LRRC4C: variants seen among roughly 807,000 people sequenced by gnomAD.
LRRC4C encodes the protein leucine rich repeat containing 4C, also known as leucine-rich repeat-containing protein 4C.
A neutral mutation model predicts 33.6 loss-of-function variants in LRRC4C; 5 were observed. That is an observed-to-expected ratio of 0.15 (90% CI 0.08 to 0.31). The LOEUF (loss-of-function observed/expected upper bound fraction) is 0.31. LRRC4C is among the 10% of genes least tolerant of loss of function. LRRC4C has a pLI of 1.00. For synonymous variants in LRRC4C, 329 were observed against 302.0 expected, an observed-to-expected ratio of 1.09 and a Z score of -0.93; for missense variants, 560 against 796.7, an observed-to-expected ratio of 0.70 and a Z score of 3.58.
At chr11:40,511,773 A>C (rs1020256348) in intron 3 of LRRC4C, among the ~76,000 whole-genome samples, 33 of 152,140 alleles carry the variant, frequency 2.2e-4, no homozygotes, top group African/African-American at 8.0e-4. Context: ...CTTCTGAAAA[A>C]GTTTCTGGAG....
intron 3 of LRRC4C, among the ~76,000 whole-genome samples, chr11:40,484,165 CAG>C (rs1565435014): frequency 6.6e-6 from 1 of 152,068 alleles, no homozygotes; most frequent in Non-Finnish European, 1.5e-5. Flanking sequence ...TGATATCTAA[CAG>C]AAATACTTTA....
At chr11:40,451,365 A>ATTTTTT (rs1951875035) in intron 3 of LRRC4C, among the ~76,000 whole-genome samples, 1 of 71,248 alleles carries the variant, frequency 1.4e-5, no homozygotes, top group African/African-American at 5.2e-5. Flanking sequence ...AGAAATAATG[A>ATTTTTT]CTTTTTTTTT....
intron 3 of LRRC4C, among the ~76,000 whole-genome samples, chr11:40,582,326 C>G (rs975300735): frequency 2.6e-5 from 4 of 152,048 alleles, no homozygotes; most frequent in Admixed American, 2.0e-4. Context: ...TTTCAAGGAA[C>G]AGATAGTACT....
In LRRC4C at chr11:40,689,122, T is replaced by C. The variant is rs116622612; in HGVS notation, c.-406-40844A>G. Among the ~76,000 whole-genome samples the C allele has an allele frequency of 9.1e-3, 1,379 of 152,200 alleles. 26 individuals are homozygous for C. Among genetic ancestry groups the C allele is most frequent in the African/African-American group, 0.032 (1,333 of 41,546 alleles). ...ATGGACTGTAGTAGAGATTACAATA[T>C]CTTCTCTTCAGATGTATAAATGAGA... On this transcript the variant is annotated intron_variant, in intron 2 of 6. Coordinates refer to ENST00000528697, the MANE Select transcript of LRRC4C (RefSeq NM_001258419.2).
At chr11:41,100,333 C>T (rs180731511) in intron 1 of LRRC4C, among the ~76,000 whole-genome samples, 14 of 151,922 alleles carry the variant, frequency 9.2e-5, no homozygotes, top group Admixed American at 6.6e-4. Flanking sequence ...TTGGGAGGCC[C>T]GAGGTGGGTG....
intron 1 of LRRC4C, among the ~76,000 whole-genome samples, chr11:40,971,007 A>T (rs1375398504): frequency 6.6e-6 from 1 of 152,220 alleles, no homozygotes; most frequent in Non-Finnish European, 1.5e-5. Flanking sequence ...CAAAGAAATG[A>T]CCTGAAACTG....
chr11:40,645,881 C>T (rs149893903), intron 3 of LRRC4C, among the ~76,000 whole-genome samples: 3,225 of 152,204 alleles, frequency 0.021, 84 homozygotes, highest in Admixed American at 0.093. Context: ...CTCTATTTTT[C>T]GGGGGACACC....
intron 3 of LRRC4C, among the ~76,000 whole-genome samples, chr11:40,580,168 C>A (rs1229548464): frequency 1.3e-5 from 2 of 151,748 alleles, no homozygotes; most frequent in African/African-American, 2.4e-5. Flanking sequence ...TTCCCCGAAA[C>A]TGAATAATGG....
chr11:40,611,607 C>A (rs1442597250), intron 3 of LRRC4C, among the ~76,000 whole-genome samples: 1 of 151,682 alleles, frequency 6.6e-6, no homozygotes, highest in African/African-American at 2.4e-5. Context: ...TATTTGCAAA[C>A]CACATATCTG....
intron 1 of LRRC4C, among the ~76,000 whole-genome samples, chr11:41,082,992 C>A (rs1939692225): frequency 6.6e-6 from 1 of 152,074 alleles, no homozygotes; most frequent in Non-Finnish European, 1.5e-5. Context: ...GAAATGTCCA[C>A]GCTTCCTGTC....
chr11:40,723,933 A>G (rs930268137), intron 2 of LRRC4C, among the ~76,000 whole-genome samples: 1 of 152,182 alleles, frequency 6.6e-6, no homozygotes, highest in Non-Finnish European at 1.5e-5. Flanking sequence ...TGCAAATGGA[A>G]AATTTTTAAA....
chr11:40,343,356 T>C lies in LRRC4C; in HGVS notation c.-269-23635A>G, dbSNP rs563029758. ...ACTAAAACTTACATATATATATATA[T>C]ACACATAAATATTAATTTTTGATTT... On this transcript the variant is annotated intron_variant, in intron 3 of 6. Coordinates refer to ENST00000528697, the MANE Select transcript of LRRC4C (RefSeq NM_001258419.2). 4.6e-4 allele frequency among the ~76,000 whole-genome samples: 67 copies of C among 147,146 alleles called. No individual in the cohort carries two copies. The East Asian group carries it at 8.4e-3, about 19-fold the overall frequency.
chr11:40,853,647 T>C (rs1953622071), intron 2 of LRRC4C, among the ~76,000 whole-genome samples: 1 of 152,104 alleles, frequency 6.6e-6, no homozygotes, highest in Admixed American at 6.6e-5. Context: ...CATGGGGTCA[T>C]TAAAGTATTA....
intron 3 of LRRC4C, among the ~76,000 whole-genome samples, chr11:40,622,348 A>G (rs1387170230): frequency 7.8e-6 from 1 of 127,412 alleles, no homozygotes; most frequent in Non-Finnish European, 1.8e-5. Flanking sequence ...AAGCATAGGA[A>G]TGAATTTTTA....
At chr11:40,376,754 T>C (rs1352773366) in intron 3 of LRRC4C, among the ~76,000 whole-genome samples, 2 of 152,006 alleles carry the variant, frequency 1.3e-5, no homozygotes, top group East Asian at 3.9e-4. Flanking sequence ...TGTATGTGTA[T>C]GTGTATCTGG....
rs529878113 is a variant in LRRC4C, at chr11:41,220,380, G to A, written c.-496+239051C>T. 2.2e-4 allele frequency among the ~76,000 whole-genome samples: 34 copies of A among 152,164 alleles called. 1 individual carries two copies. The highest frequency in any genetic ancestry group is 4.3e-4 in the Non-Finnish European group (29 of 67,994). On this transcript the variant is annotated intron_variant, in intron 1 of 6. Coordinates refer to ENST00000528697, the MANE Select transcript of LRRC4C (RefSeq NM_001258419.2). Reference sequence around the variant, plus strand: ...ACAATATGAAATACCCCTCTCCAAGGGAGAGTTATGAAAATAGGAATCTCT... The same window carrying A: ...ACAATATGAAATACCCCTCTCCAAGAGAGAGTTATGAAAATAGGAATCTCT...
At chr11:40,583,035 G>A (rs529194323) in intron 3 of LRRC4C, among the ~76,000 whole-genome samples, 8 of 152,054 alleles carry the variant, frequency 5.3e-5, no homozygotes, top group African/African-American at 9.6e-5. Context: ...TAATACTACC[G>A]TGCTACCAAT....
chr11:41,010,960 A>T (rs1032104260), intron 1 of LRRC4C, among the ~76,000 whole-genome samples: 1 of 152,298 alleles, frequency 6.6e-6, no homozygotes, highest in Admixed American at 6.5e-5. Context: ...TAAAAATAAC[A>T]TAAAATGGAC....
rs150291527 is a variant in LRRC4C at position 40,639,911 on chromosome 11, G to A, written c.-270+8231C>T. Among the ~76,000 whole-genome samples the A allele has an allele frequency of 5.3e-5, 8 of 151,498 alleles. 1 individual carries two copies. Among genetic ancestry groups the A allele is most frequent in the African/African-American group, 2.0e-4 (8 of 41,022 alleles). On this transcript the variant is annotated intron_variant, in intron 3 of 6. Coordinates refer to ENST00000528697, the MANE Select transcript of LRRC4C (RefSeq NM_001258419.2). ...TTCACCTAGTGGATTAAGCAGGATT[G>A]GAGCCTTCACATAGACTGATTTTTT...
Sources: gnomAD v4.1 joint callset for allele counts (sites outside exome capture counted in the v4.1 genomes callset) on GRCh38, gnomAD v4.1.1 for gene constraint, MANE v1.5 for transcripts, NCBI Gene and HGNC (gene_info 2026-07-23, HGNC 2026-07-21) for gene names.